PLD5: variants seen among roughly 807,000 people sequenced by gnomAD.
PLD5 encodes the protein phospholipase D family member 5.
In PLD5, 36 loss-of-function variants were observed where a neutral mutation model predicts 61.1. The observed-to-expected ratio is 0.59, with a 90% CI of 0.45 to 0.78. The LOEUF (loss-of-function observed/expected upper bound fraction) is 0.78, where lower values mean the gene tolerates loss of function less well. PLD5 is among the 30% of genes least tolerant of loss of function. The probability of loss-of-function intolerance (pLI) is 0.00; values close to 1 mark genes in which losing one functional copy is unlikely to be tolerated. For synonymous variants in PLD5, 243 were observed against 242.8 expected (o/e 1.00, Z -0.01); for missense variants, 515 against 644.4 (o/e 0.80, Z 2.17).
chr1:242,233,421 C>G (rs1671435071), intron 4 of PLD5, among the ~76,000 whole-genome samples: 1 of 152,068 alleles, frequency 6.6e-6, no homozygotes, highest in African/African-American at 2.4e-5. Context: ...GACTCTGATG[C>G]CCTAGAGAGA....
chr1:242,387,380 G>A (rs1662657299), intron 1 of PLD5, among the ~76,000 whole-genome samples: 1 of 152,130 alleles, frequency 6.6e-6, no homozygotes, highest in Non-Finnish European at 1.5e-5. Context: ...TGACAATGTG[G>A]TCTTACTGCA....
intron 1 of PLD5, among the ~76,000 whole-genome samples, chr1:242,435,454 T>C (rs144879967): frequency 3.3e-5 from 5 of 149,466 alleles, no homozygotes; most frequent in African/African-American, 1.0e-4. Context: ...AGGTGTAGCA[T>C]TGAAGTGTGT....
intron 1 of PLD5, among the ~76,000 whole-genome samples, chr1:242,429,295 G>A (rs1390041216): frequency 3.9e-5 from 6 of 152,164 alleles, no homozygotes; most frequent in Non-Finnish European, 8.8e-5. Flanking sequence ...TAACTCAGGA[G>A]CAAGAATGCA....
intron 2 of PLD5, among the ~76,000 whole-genome samples, chr1:242,340,947 A>C (rs1007192876): frequency 6.6e-6 from 1 of 152,002 alleles, no homozygotes; most frequent in African/African-American, 2.4e-5. Context: ...CATTGTGTCT[A>C]TCAACAATAC....
intron 5 of PLD5, among the ~76,000 whole-genome samples, chr1:242,211,201 T>A (rs974821489): frequency 3.9e-5 from 6 of 152,172 alleles, no homozygotes; most frequent in Non-Finnish European, 8.8e-5. Context: ...GGGAGTTCAG[T>A]CAGGCTCGTG....
intron 2 of PLD5, among the ~76,000 whole-genome samples, chr1:242,334,367 T>C (rs1659377729): frequency 2.6e-5 from 4 of 152,148 alleles, no homozygotes; most frequent in Admixed American, 2.0e-4. Context: ...TGGGTATGCA[T>C]CAACAACTGA....
At position 242,392,975 on chromosome 1, in the gene PLD5, G is replaced by A. The variant is rs2491874; in HGVS notation, c.190-44733C>T. Among the ~76,000 whole-genome samples the A allele has an allele frequency of 3.6e-3, 543 of 151,636 alleles. 4 individuals are homozygous for A. Among genetic ancestry groups the A allele is most frequent in the African/African-American group, 0.012 (508 of 41,290 alleles). On this transcript the variant is annotated intron_variant, in intron 1 of 9. Coordinates refer to ENST00000536534, the MANE Select transcript of PLD5 (RefSeq NM_001372062.1). ...TCTCAGCACTTTGGGAGGCCGAGGC[G>A]GGTGGATTACCTGAAGTCAGGAGTT...
In PLD5 at chr1:242,165,802, C is replaced by T. The variant is rs139116631; in HGVS notation, c.736-41137G>A. Reference sequence around the variant, plus strand: ...TGATGAGAACTCAGAAGCATCTCTGCCACCTACCTGACTGGGTTCCTCGTT... The same window carrying T: ...TGATGAGAACTCAGAAGCATCTCTGTCACCTACCTGACTGGGTTCCTCGTT... On this transcript the variant is annotated intron_variant, in intron 5 of 9. Transcript: ENST00000536534. Among the ~76,000 whole-genome samples, 574 of 152,284 alleles carry T rather than the reference C, an allele frequency of 3.8e-3. 7 individuals carry two copies. The highest frequency in any genetic ancestry group is 0.013 in the African/African-American group (559 of 41,548).
rs535648255 is a variant in PLD5, at chr1:242,519,660, G to A, written c.189+4428C>T. Among the ~76,000 whole-genome samples, 5 of 152,350 alleles carry A rather than the reference G, an allele frequency of 3.3e-5. No homozygotes were observed. In the South Asian group the frequency reaches 1.0e-3, roughly 32 times the overall value. ...GAGTTTGTCTCTGCTAGCAGGACCAGCTGAGAGAGTGAGAACCAGAAAAGT... is the reference window on the plus strand; with the variant it reads ...GAGTTTGTCTCTGCTAGCAGGACCAACTGAGAGAGTGAGAACCAGAAAAGT... On this transcript the variant is annotated intron_variant, in intron 1 of 9. Transcript: ENST00000536534.
chr1:242,481,366 C>G (rs1667769089), intron 1 of PLD5, among the ~76,000 whole-genome samples: 1 of 152,232 alleles, frequency 6.6e-6, no homozygotes, highest in African/African-American at 2.4e-5. Context: ...CACCTTAATA[C>G]TGCACTTTTC....
chr1:242,484,052 T>A lies in PLD5; in HGVS notation c.189+40036A>T, dbSNP rs187963952. ...ACATACCAGAATCTCTGGGACACATTCAAAGCCATGTGTAGAGGGAAATTT... is the reference window on the plus strand; with the variant it reads ...ACATACCAGAATCTCTGGGACACATACAAAGCCATGTGTAGAGGGAAATTT... On this transcript the variant is annotated intron_variant, in intron 1 of 9. Transcript: ENST00000536534. Among the ~76,000 whole-genome samples, 11 of 152,272 alleles carry A rather than the reference T, an allele frequency of 7.2e-5. No homozygotes were observed. The East Asian group carries it at 1.7e-3, about 24-fold the overall frequency.
chr1:242,354,724 G>A (rs879629937), intron 1 of PLD5, among the ~76,000 whole-genome samples: 88 of 151,882 alleles, frequency 5.8e-4, no homozygotes, highest in Non-Finnish European at 9.7e-4. Flanking sequence ...AGATGAAAGG[G>A]CTCTAATTTT....
chr1:242,494,034 C>T (rs546345844), intron 1 of PLD5, among the ~76,000 whole-genome samples: 3 of 151,864 alleles, frequency 2.0e-5, no homozygotes, highest in African/African-American at 7.3e-5. Context: ...ATTTATTTGC[C>T]TTTGCATTGG....
chr1:242,116,995 C>T (rs968701720), intron 6 of PLD5, among the ~76,000 whole-genome samples: 9 of 152,206 alleles, frequency 5.9e-5, no homozygotes, highest in African/African-American at 2.2e-4. Context: ...CTTGATCACT[C>T]AGTAAGTTTC....
At chr1:242,331,912 G>A (rs1659197912) in intron 2 of PLD5, among the ~76,000 whole-genome samples, 1 of 152,214 alleles carries the variant, frequency 6.6e-6, no homozygotes, top group East Asian at 1.9e-4. Flanking sequence ...TATACTTCAT[G>A]TCCTGGGATA....
chr1:242,475,831 T>G (rs1386537126), intron 1 of PLD5, among the ~76,000 whole-genome samples: 1 of 152,074 alleles, frequency 6.6e-6, no homozygotes, highest in African/African-American at 2.4e-5. Context: ...GAAGAGTGTG[T>G]GCTCAGAGGC....
intron 1 of PLD5, among the ~76,000 whole-genome samples, chr1:242,453,721 T>C (rs1414628445): frequency 1.3e-5 from 2 of 152,148 alleles, no homozygotes; most frequent in African/African-American, 4.8e-5. Context: ...TTAGAGAAAA[T>C]GCAGAGACAT....
chr1:242,477,237 C>T (rs966243870), intron 1 of PLD5, among the ~76,000 whole-genome samples: 3 of 151,080 alleles, frequency 2.0e-5, no homozygotes, highest in Non-Finnish European at 4.4e-5. Context: ...GTGACAAGAG[C>T]GAGACTCTAA....
chr1:242,212,206 G>A (rs780495738), intron 5 of PLD5, among the ~76,000 whole-genome samples: 1 of 152,116 alleles, frequency 6.6e-6, no homozygotes, highest in East Asian at 1.9e-4. Flanking sequence ...CGGAGGTTTT[G>A]CCTAAGCCCC....
Sources: allele counts gnomAD v4.1 joint callset (sites outside exome capture counted in the v4.1 genomes callset), GRCh38; gene constraint gnomAD v4.1.1; transcripts MANE v1.5; gene names NCBI Gene and HGNC (gene_info 2026-07-23, HGNC 2026-07-21).